The following ELOVL4 variants were observed in gnomAD, a reference collection of about 807,000 sequenced individuals.
ELOVL4 encodes very long chain fatty acid elongase 4.
ELOVL4 carries 18 observed loss-of-function variants against 42.1 expected under a neutral mutation model. That is an observed-to-expected ratio of 0.43 (90% CI 0.30 to 0.63). ELOVL4 has a LOEUF of 0.63. Ranked by LOEUF, ELOVL4 falls within the 30% of genes least tolerant of loss-of-function variation. The pLI is 0.15. For synonymous variants in ELOVL4, 117 were observed against 127.0 expected, an observed-to-expected ratio of 0.92 and a Z score of 0.53; for missense variants, 299 against 376.2, an observed-to-expected ratio of 0.79 and a Z score of 1.70.
rs1679751278 is a variant in ELOVL4 at position 79,916,514 on chromosome 6, C to G, written c.*94G>C. The stretch of plus-strand genomic sequence containing the variant: ...AGAGCACATTTGTCTTTTCTCCCCA[C>G]CCCCAAGCTCTCCTTTGCTTCTGTT... On this transcript the variant is annotated 3_prime_UTR_variant, in exon 6 of 6. Transcript: ENST00000369816. The G allele has an allele frequency of 1.3e-6, 2 of 1,492,126 alleles. No homozygotes were observed. The highest frequency in any genetic ancestry group is 1.9e-6 in the Non-Finnish European group (2 of 1,075,972). The allele number at this position is 1,492,126 out of a possible 1,614,324, so 92.4% of individuals were successfully genotyped here. A position where few individuals can be genotyped will look rare whatever the true frequency, so the allele number is the denominator to read the frequency against.
chr6:79,932,328 G>A (rs140665987), intron 1 of ELOVL4, among the ~76,000 whole-genome samples: 1 of 151,944 alleles, frequency 6.6e-6, no homozygotes. Flanking sequence ...ATCACTTGAG[G>A]TCAGGAGTTC....
chr6:79,933,384 C>T (rs1195794688), intron 1 of ELOVL4, among the ~76,000 whole-genome samples: 1 of 152,122 alleles, frequency 6.6e-6, no homozygotes, highest in Non-Finnish European at 1.5e-5. Context: ...GTGCATGCCA[C>T]AACACCCAGC....
At chr6:79,942,205 G>C (rs1417717260) in intron 1 of ELOVL4, among the ~76,000 whole-genome samples, 1 of 152,172 alleles carries the variant, frequency 6.6e-6, no homozygotes, top group African/African-American at 2.4e-5. Context: ...TCTTTGGGCA[G>C]GGGAATACTG....
chr6:79,938,679 T>G lies in ELOVL4; in HGVS notation c.100+8501A>C, dbSNP rs1774590152. On this transcript the variant is annotated intron_variant, in intron 1 of 5. Transcript: ENST00000369816. ...TATATAGTATATGAATAAATATCAC[T>G]TTGTAGTTTAATCTCATACACCAGC... Among the ~76,000 whole-genome samples, 3 of 152,228 alleles carry G rather than the reference T, an allele frequency of 2.0e-5. No individual in the cohort carries two copies. In the South Asian group the frequency reaches 6.2e-4, roughly 31 times the overall value.
intron 1 of ELOVL4, among the ~76,000 whole-genome samples, chr6:79,927,627 C>G (rs1437553369): frequency 6.6e-6 from 1 of 151,920 alleles, no homozygotes; most frequent in African/African-American, 2.4e-5. Context: ...TTTGCAAAGT[C>G]AGGAAATGAC....
At chr6:79,929,725 G>A (rs1561987021) in intron 1 of ELOVL4, among the ~76,000 whole-genome samples, 1 of 152,122 alleles carries the variant, frequency 6.6e-6, no homozygotes. Context: ...TAATGGTGAG[G>A]AAAACTGGAT....
chr6:79,935,695 G>A (rs562404117), intron 1 of ELOVL4, among the ~76,000 whole-genome samples: 2 of 152,132 alleles, frequency 1.3e-5, no homozygotes, highest in African/African-American at 2.4e-5. Flanking sequence ...AATATAATAC[G>A]GTTCCAGAAG....
rs115543767 is a variant in ELOVL4, at chr6:79,928,423, G to C, written c.101-2042C>G. Among the ~76,000 whole-genome samples the C allele has an allele frequency of 5.7e-3, 869 of 151,894 alleles. 8 individuals carry two copies. Among genetic ancestry groups the C allele is most frequent in the African/African-American group, 0.02 (818 of 41,398 alleles). On this transcript the variant is annotated intron_variant, in intron 1 of 5. Coordinates refer to ENST00000369816, the MANE Select transcript of ELOVL4 (RefSeq NM_022726.4). ...GACTTCAAAGAAAGTTCTGAGTAGC[G>C]GGTAGAAAAAAAAAATTAAAGAAAT... is the stretch of plus-strand genomic sequence containing the variant.
Position 79,926,314 on chromosome 6 carries a change from A to G in ELOVL4, c.168T>C (p.Tyr56=), listed in dbSNP as rs1774342256. 1.2e-6 allele frequency: 2 copies of G among 1,613,972 alleles called. No homozygotes were observed. The highest frequency in any genetic ancestry group is 1.7e-5 in the Admixed American group (1 of 59,996). ...PWPTLSISTL[Y]LLFVWLGPKW... is the part of the protein sequence containing the mutation. ...TTGGACCCAGCCACACAAACAGGAGATAAAGAGTGCTTATACTTAGTGTAG... is the reference window on the plus strand; with the variant it reads ...TTGGACCCAGCCACACAAACAGGAGGTAAAGAGTGCTTATACTTAGTGTAG... The change falls in exon 2 of 6, where the codon TAT becomes TAC. Residue 56 remains tyrosine, a synonymous_variant. Coordinates refer to ENST00000369816, the MANE Select transcript of ELOVL4 (RefSeq NM_022726.4).
intron 1 of ELOVL4, among the ~76,000 whole-genome samples, chr6:79,940,079 A>G (rs1447969537): frequency 2.0e-5 from 3 of 152,210 alleles, no homozygotes; most frequent in African/African-American, 7.2e-5. Flanking sequence ...AAAAATATAT[A>G]AAATTAGTTA....
At chr6:79,945,650 T>C (rs1561992474) in intron 1 of ELOVL4, among the ~76,000 whole-genome samples, 1 of 152,088 alleles carries the variant, frequency 6.6e-6, no homozygotes, top group African/African-American at 2.4e-5. Flanking sequence ...GCTAAAGAAC[T>C]TGTCTGATGT....
chr6:79,947,364 G>C lies in ELOVL4; in HGVS notation c.-85C>G. Reference sequence around the variant, plus strand: ...CCCGGAGGCGGTGGCGGCCGACGGGGCGAGCGGCGGCCGGGAACCCCTCTA... The same window carrying C: ...CCCGGAGGCGGTGGCGGCCGACGGGCCGAGCGGCGGCCGGGAACCCCTCTA... On this transcript the variant is annotated 5_prime_UTR_variant, in exon 1 of 6. Coordinates refer to ENST00000369816, the MANE Select transcript of ELOVL4 (RefSeq NM_022726.4). The C allele has an allele frequency of 2.8e-6, 3 of 1,076,528 alleles. No homozygotes were observed. Among genetic ancestry groups the C allele is most frequent in the East Asian group, 2.6e-5 (1 of 39,144 alleles). The allele number at this position is 1,076,528 out of a possible 1,614,324, so 66.7% of individuals were successfully genotyped here.
At chr6:79,931,590 CAA>C (rs1416793190) in intron 1 of ELOVL4, among the ~76,000 whole-genome samples, 1 of 152,130 alleles carries the variant, frequency 6.6e-6, no homozygotes, top group Non-Finnish European at 1.5e-5. Flanking sequence ...AAGAGTTACT[CAA>C]AGGAGCCAAG....
In ELOVL4 at chr6:79,915,280, T is replaced by C. The variant is rs549751965; in HGVS notation, c.*1328A>G. 1.5e-4 allele frequency: 23 copies of C among 152,736 alleles called. No homozygotes were observed. Among genetic ancestry groups the C allele is most frequent in the African/African-American group, 5.3e-4 (22 of 41,590 alleles). The allele number at this position is 152,736 out of a possible 1,614,324, so 9.5% of individuals were successfully genotyped here. ...TACTTTATTTCCAGTTGTTCACTTA[T>C]ATTACATGAAATACTTCATTTGTAA... On this transcript the variant is annotated 3_prime_UTR_variant, in exon 6 of 6. Coordinates refer to ENST00000369816, the MANE Select transcript of ELOVL4 (RefSeq NM_022726.4).
chr6:79,940,502 T>TA (rs1195262650), intron 1 of ELOVL4, among the ~76,000 whole-genome samples: 1 of 152,182 alleles, frequency 6.6e-6, no homozygotes, highest in Non-Finnish European at 1.5e-5. Context: ...CAAACTTAAG[T>TA]AAAAAATGCT....
rs150730010 is a variant in ELOVL4 at position 79,922,854 on chromosome 6, GAAAC to G, written c.370-1062_370-1059del. On this transcript the variant is annotated intron_variant, in intron 3 of 5. Coordinates refer to ENST00000369816, the MANE Select transcript of ELOVL4 (RefSeq NM_022726.4). ...GAAAGAAGAAACAGAAAGCATATAA[GAAAC>G]AAAGTATTTACAAACTGAGAATTAT... Among the ~76,000 whole-genome samples, 1,396 of 152,062 alleles carry G rather than the reference GAAAC, an allele frequency of 9.2e-3. 25 individuals carry two copies. Among genetic ancestry groups the G allele is most frequent in the African/African-American group, 0.031 (1,307 of 41,496 alleles).
intron 1 of ELOVL4, among the ~76,000 whole-genome samples, chr6:79,945,180 T>C (rs1774718372): frequency 6.6e-6 from 1 of 152,082 alleles, no homozygotes; most frequent in South Asian, 2.1e-4. Flanking sequence ...TCTGCCTACA[T>C]AAGGTAGCTC....
chr6:79,916,840 T>C lies in ELOVL4; in HGVS notation c.713A>G (p.Tyr238Cys), dbSNP rs1774171759. ...CCATTTGGGGAAGGGGCAGTCAGTGTAAAGAGACAGTGCCGTGTGCCCAAT... is the reference window on the plus strand; with the variant it reads ...CCATTTGGGGAAGGGGCAGTCAGTGCAAAGAGACAGTGCCGTGTGCCCAAT... ...VTIGHTALSL[Y>C]TDCPFPKWMH... The change falls in exon 6 of 6, where the codon TAC becomes TGC. Residue 238 changes from tyrosine to cysteine, a missense_variant. Coordinates refer to ENST00000369816, the MANE Select transcript of ELOVL4 (RefSeq NM_022726.4). 1 of 1,614,040 alleles carries C rather than the reference T, an allele frequency of 6.2e-7. No individual in the cohort carries two copies. The highest frequency in any genetic ancestry group is 1.3e-5 in the African/African-American group (1 of 74,918).
chr6:79,945,840 T>G lies in ELOVL4; in HGVS notation c.100+1340A>C, dbSNP rs936164893. Among the ~76,000 whole-genome samples, 9 of 152,296 alleles carry G rather than the reference T, an allele frequency of 5.9e-5. No homozygotes were observed. The East Asian group carries it at 9.6e-4, about 16-fold the overall frequency. On this transcript the variant is annotated intron_variant, in intron 1 of 5. Coordinates refer to ENST00000369816, the MANE Select transcript of ELOVL4 (RefSeq NM_022726.4). ...AAACACTCCATTGAAAACTGCCTTT[T>G]AACCATTTTCAGCTGTAATGGCTTA...
Sources: allele counts gnomAD v4.1 joint callset (sites outside exome capture counted in the v4.1 genomes callset), GRCh38; gene constraint gnomAD v4.1.1; transcripts MANE v1.5; gene names NCBI Gene and HGNC (gene_info 2026-07-23, HGNC 2026-07-21).